Variants in LRRTM4 observed in about 807,000 individuals in gnomAD.
LRRTM4 encodes leucine rich repeat transmembrane neuronal 4.
Under a neutral mutation model 47.6 loss-of-function variants are expected in LRRTM4, and 25 were observed. The ratio of observed to expected loss-of-function variants is 0.53; its 90% CI spans 0.38 to 0.73. The LOEUF (loss-of-function observed/expected upper bound fraction) is 0.73, where lower values mean the gene tolerates loss of function less well. LRRTM4 is among the 30% of genes least tolerant of loss of function. The probability of loss-of-function intolerance (pLI) is 0.00; values close to 1 mark genes in which losing one functional copy is unlikely to be tolerated. For synonymous variants in LRRTM4, 311 were observed against 269.5 expected (o/e 1.15, Z -1.51); for missense variants, 638 against 713.4 (o/e 0.89, Z 1.20).
intron 3 of LRRTM4, among the ~76,000 whole-genome samples, chr2:77,260,939 A>C (rs551411106): frequency 3.7e-4 from 57 of 152,236 alleles, no homozygotes; most frequent in Non-Finnish European, 5.0e-4. Context: ...CTTCAAAATA[A>C]TAGTCTCCTA....
At chr2:76,879,485 G>A (rs1672868690) in intron 3 of LRRTM4, among the ~76,000 whole-genome samples, 1 of 152,120 alleles carries the variant, frequency 6.6e-6, no homozygotes, top group African/African-American at 2.4e-5. Context: ...ATATTTTAAG[G>A]CCACTGATGA....
At chr2:77,166,271 A>G (rs531410136) in intron 3 of LRRTM4, among the ~76,000 whole-genome samples, 1 of 152,302 alleles carries the variant, frequency 6.6e-6, no homozygotes, top group Non-Finnish European at 1.5e-5. Flanking sequence ...GACCTCTTCA[A>G]GGAGAATTGA....
chr2:76,798,151 T>C (rs1036392301), intron 3 of LRRTM4, among the ~76,000 whole-genome samples: 9 of 152,082 alleles, frequency 5.9e-5, no homozygotes, highest in African/African-American at 2.2e-4. Flanking sequence ...ATATACATTT[T>C]TTTCAGCACC....
intron 3 of LRRTM4, among the ~76,000 whole-genome samples, chr2:77,319,424 A>C (rs1489046261): frequency 1.3e-5 from 2 of 151,862 alleles, no homozygotes; most frequent in African/African-American, 4.8e-5. Context: ...AGTTTCAGTA[A>C]AAATTAAATA....
intron 3 of LRRTM4, among the ~76,000 whole-genome samples, chr2:77,063,496 T>A (rs7583894): frequency 0.41 from 62,864 of 151,818 alleles, 15,826 homozygotes; most frequent in African/African-American, 0.69. Context: ...ATACATGAAG[T>A]AGAAAAATAG....
chr2:77,135,896 T>A (rs1192779331), intron 3 of LRRTM4, among the ~76,000 whole-genome samples: 2 of 152,050 alleles, frequency 1.3e-5, no homozygotes, highest in African/African-American at 2.4e-5. Flanking sequence ...TTTTTTACAG[T>A]CTCAAATGTA....
intron 3 of LRRTM4, among the ~76,000 whole-genome samples, chr2:77,480,810 GTGTGTGTGTGT>G (rs1677650379): frequency 1.5e-5 from 2 of 133,406 alleles, no homozygotes; most frequent in African/African-American, 5.7e-5. Context: ...GTGTGTGTGT[GTGTGTGTGTGT>G]GGAGAGAGAG....
intron 3 of LRRTM4, among the ~76,000 whole-genome samples, chr2:77,172,750 C>A (rs925543716): frequency 6.6e-6 from 1 of 152,166 alleles, no homozygotes; most frequent in Admixed American, 6.6e-5. Flanking sequence ...ATGATCTCTG[C>A]GTGACAAATA....
chr2:77,375,872 G>A (rs1425084883), intron 3 of LRRTM4, among the ~76,000 whole-genome samples: 1 of 151,680 alleles, frequency 6.6e-6, no homozygotes, highest in Non-Finnish European at 1.5e-5. Context: ...CTTGGCTATA[G>A]AAATCACCTT....
chr2:76,820,231 T>A (rs1421705767), intron 3 of LRRTM4, among the ~76,000 whole-genome samples: 2 of 151,882 alleles, frequency 1.3e-5, no homozygotes, highest in Non-Finnish European at 2.9e-5. Flanking sequence ...CTTTGTTGGA[T>A]AATCTACTTT....
chr2:77,509,987 C>T (rs1424488832), intron 3 of LRRTM4, among the ~76,000 whole-genome samples: 3 of 152,040 alleles, frequency 2.0e-5, no homozygotes, highest in African/African-American at 7.2e-5. Context: ...TTTTACAGAT[C>T]TATAGACAGA....
intron 3 of LRRTM4, among the ~76,000 whole-genome samples, chr2:77,267,923 T>C (rs1676091576): frequency 6.6e-6 from 1 of 152,178 alleles, no homozygotes; most frequent in South Asian, 2.1e-4. Context: ...AATGTCCTTA[T>C]GAAAATGATT....
chr2:76,940,783 G>A (rs1233860430), intron 3 of LRRTM4, among the ~76,000 whole-genome samples: 1 of 152,122 alleles, frequency 6.6e-6, no homozygotes, highest in Non-Finnish European at 1.5e-5. Flanking sequence ...TTACTACACT[G>A]TGCTAACCTG....
At chr2:77,163,593 A>G (rs1672793356) in intron 3 of LRRTM4, among the ~76,000 whole-genome samples, 1 of 152,242 alleles carries the variant, frequency 6.6e-6, no homozygotes, top group Non-Finnish European at 1.5e-5. Context: ...TGGGTTACCC[A>G]TAAAAGGAAG....
At chr2:76,835,051 A>C (rs1191389079) in intron 3 of LRRTM4, among the ~76,000 whole-genome samples, 1 of 152,154 alleles carries the variant, frequency 6.6e-6, no homozygotes, top group African/African-American at 2.4e-5. Flanking sequence ...GACCAATAGC[A>C]TCCGAACATT....
At chr2:77,019,506 A>G (rs1190088458) in intron 3 of LRRTM4, among the ~76,000 whole-genome samples, 1 of 152,096 alleles carries the variant, frequency 6.6e-6, no homozygotes, top group Admixed American at 6.6e-5. Context: ...ATAATACTAT[A>G]AATCTCATGG....
intron 3 of LRRTM4, among the ~76,000 whole-genome samples, chr2:76,829,603 T>C (rs1411139796): frequency 1.3e-5 from 2 of 152,026 alleles, no homozygotes; most frequent in South Asian, 4.1e-4. Context: ...TTTTTACTGC[T>C]TAATACATTG....
chr2:76,877,412 T>C (rs1344827713), intron 3 of LRRTM4, among the ~76,000 whole-genome samples: 1 of 152,082 alleles, frequency 6.6e-6, no homozygotes, highest in Non-Finnish European at 1.5e-5. Flanking sequence ...TATTTTGCTT[T>C]TATGAACAAT....
intron 3 of LRRTM4, among the ~76,000 whole-genome samples, chr2:77,007,934 C>A (rs1677719430): frequency 6.6e-6 from 1 of 152,128 alleles, no homozygotes; most frequent in African/African-American, 2.4e-5. Context: ...TTCATTGTTC[C>A]TTCAATGAAT....
Sources: gnomAD v4.1 joint callset for allele counts (sites outside exome capture counted in the v4.1 genomes callset) on GRCh38, gnomAD v4.1.1 for gene constraint, MANE v1.5 for transcripts, NCBI Gene and HGNC (gene_info 2026-07-23, HGNC 2026-07-21) for gene names.